The following SLC20A1 variants were observed in gnomAD, a reference collection of about 807,000 sequenced individuals.
SLC20A1 encodes sodium-dependent phosphate transporter 1.
In SLC20A1, 28 loss-of-function variants were observed where a neutral mutation model predicts 62.7. That is an observed-to-expected ratio of 0.45 (90% CI 0.33 to 0.61). The LOEUF (loss-of-function observed/expected upper bound fraction) is 0.61. Among genes scored for constraint, SLC20A1 ranks in the 20% least tolerant of loss-of-function variants. SLC20A1 has a pLI of 0.02. For synonymous variants in SLC20A1, 305 were observed against 302.9 expected (o/e 1.01, Z -0.07); for missense variants, 673 against 838.6 (o/e 0.80, Z 2.44).
intron 5 of SLC20A1, among the ~76,000 whole-genome samples, chr2:112,653,822 T>C (rs1319308916): frequency 6.6e-6 from 1 of 152,182 alleles, no homozygotes; most frequent in African/African-American, 2.4e-5. Context: ...GAGACAGTTT[T>C]GCTCTTGTTG....
chr2:112,655,968 T>C (rs1480666921), intron 5 of SLC20A1, among the ~76,000 whole-genome samples: 1 of 152,174 alleles, frequency 6.6e-6, no homozygotes, highest in Non-Finnish European at 1.5e-5. Context: ...CCCAAAGTGC[T>C]GGGATTACAG....
At position 112,663,030 on chromosome 2, in the gene SLC20A1, G is replaced by C. The variant is rs1252148913; in HGVS notation, c.*5G>C. 6.2e-7 allele frequency: 1 copy of C among 1,613,782 alleles called. No individual in the cohort carries two copies. The highest frequency in any genetic ancestry group is 1.7e-5 in the Admixed American group (1 of 59,976). On this transcript the variant is annotated 3_prime_UTR_variant, in exon 11 of 11. Coordinates refer to ENST00000272542, the MANE Select transcript of SLC20A1 (RefSeq NM_005415.5). ...TATGTCATCCTCAGAATGTGAAGCT[G>C]TTTGAGATTAAAATTTGTGTCAATG...
At chr2:112,660,795 C>A in intron 9 of SLC20A1, 1 of 521,204 alleles carries the variant, frequency 1.9e-6, no homozygotes, top group Non-Finnish European at 3.3e-6. Flanking sequence ...AATGACTTTT[C>A]TGAGAAAGCT....
At chr2:112,649,899 C>T (rs1249560582) in intron 4 of SLC20A1, among the ~76,000 whole-genome samples, 1 of 152,200 alleles carries the variant, frequency 6.6e-6, no homozygotes, top group African/African-American at 2.4e-5. Context: ...TCCCACATGA[C>T]TAGACGATGA....
intron 10 of SLC20A1, among the ~76,000 whole-genome samples, chr2:112,662,468 C>CT (rs34911715): frequency 0.79 from 120,314 of 151,998 alleles, 48,351 homozygotes; most frequent in East Asian, 1. Context: ...GTAATCCCAG[C>CT]ACTTGGGAGG....
chr2:112,650,101 C>T (rs1247724474), intron 4 of SLC20A1, among the ~76,000 whole-genome samples: 1 of 152,156 alleles, frequency 6.6e-6, no homozygotes, highest in East Asian at 1.9e-4. Flanking sequence ...TCCCCAACAA[C>T]TTTGCGTAGA....
intron 5 of SLC20A1, among the ~76,000 whole-genome samples, chr2:112,655,491 T>C (rs1413218009): frequency 1.3e-5 from 2 of 150,544 alleles, no homozygotes; most frequent in African/African-American, 4.9e-5. Flanking sequence ...TTCCTAGATA[T>C]CAACTACAGA....
chr2:112,659,015 T>A lies in SLC20A1; in HGVS notation c.969T>A (p.Asp323Glu). Residue 323 changes from aspartate to glutamate, a missense_variant, in exon 7 of 11, where the codon GAT (aspartate) becomes GAA (glutamate). By Grantham distance (45) the Asp-to-Glu change is conservative. Coordinates refer to ENST00000272542, the MANE Select transcript of SLC20A1 (RefSeq NM_005415.5). ...EERTVSFKLG[D>E]LEEAPERERL... is the part of the protein sequence containing the mutation. Reference sequence around the variant, plus strand: ...GAACAGTCTCATTCAAACTTGGAGATTTGGAGGAAGCTCCAGAGAGAGAGA... The same window carrying A: ...GAACAGTCTCATTCAAACTTGGAGAATTGGAGGAAGCTCCAGAGAGAGAGA... 6.2e-7 allele frequency: 1 copy of A among 1,614,098 alleles called. No homozygotes were observed. The highest frequency in any genetic ancestry group is 8.5e-7 in the Non-Finnish European group (1 of 1,180,022).
chr2:112,657,207 C>G lies in SLC20A1; in HGVS notation c.744C>G (p.Phe248Leu), dbSNP rs756497809. The change falls in exon 6 of 11, where the codon TTC becomes TTG. Residue 248 changes from phenylalanine (F) to leucine (L), a missense_variant. Phe to Leu is a conservative substitution (Grantham distance 22, BLOSUM62 0). Transcript: ENST00000272542. ...CAVFCALIVW[F>L]FVCPRMKRKI... The stretch of plus-strand genomic sequence containing the variant: ...TTTTCTGTGCCCTTATCGTCTGGTT[C>G]TTTGTATGTCCCAGGATGAAGAGAA... The G allele has an allele frequency of 6.2e-7, 1 of 1,613,798 alleles. No homozygotes were observed. Among genetic ancestry groups the G allele is most frequent in the Non-Finnish European group, 8.5e-7 (1 of 1,179,926 alleles).
At chr2:112,653,152 C>T (rs767885600) in intron 5 of SLC20A1, 17 of 357,588 alleles carry the variant, frequency 4.8e-5, no homozygotes, top group Non-Finnish European at 8.1e-5. Context: ...CTTCAGTAAT[C>T]AGTCATTTAG....
chr2:112,659,296 G>T lies in SLC20A1; in HGVS notation c.1141G>T (p.Val381Leu), dbSNP rs1450471766. Residue 381 changes from valine to leucine, a missense_variant, in exon 8 of 11, where the codon GTG (valine) becomes TTG (leucine). Val to Leu is a conservative substitution (Grantham distance 32, BLOSUM62 1). Transcript: ENST00000272542. The stretch of plus-strand genomic sequence containing the variant: ...CAGTGGCCACTACCAGTATCACACC[G>T]TGCATAAGGATTCCGGCCTGTACAA... The part of the protein sequence containing the change: ...NSSGHYQYHT[V>L]HKDSGLYKEL... The T allele has an allele frequency of 6.2e-7, 1 of 1,614,034 alleles. No individual in the cohort carries two copies. Among genetic ancestry groups the T allele is most frequent in the African/African-American group, 1.3e-5 (1 of 74,908 alleles).
intron 9 of SLC20A1, 65 bp from the exon 10 acceptor site, chr2:112,661,077 G>A: frequency 8.8e-7 from 1 of 1,139,460 alleles, no homozygotes; most frequent in Non-Finnish European, 1.3e-6. Flanking sequence ...TTAACTTGAG[G>A]TGTAGTGTTA....
In SLC20A1 at chr2:112,657,220, A is replaced by T; in HGVS notation, c.757A>T (p.Arg253Trp). 6.2e-7 allele frequency: 1 copy of T among 1,613,746 alleles called. No individual in the cohort carries two copies. Among genetic ancestry groups the T allele is most frequent in the Non-Finnish European group, 8.5e-7 (1 of 1,179,868 alleles). The change falls in exon 6 of 11, where the codon AGG becomes TGG. Residue 253 changes from arginine to tryptophan, a missense_variant. By Grantham distance (101) the Arg-to-Trp change is moderately radical. Transcript: ENST00000272542. ...ALIVWFFVCPRMKRKIEREIK... is the reference protein window; with the variant it reads ...ALIVWFFVCPWMKRKIEREIK... Reference sequence around the variant, plus strand: ...TATCGTCTGGTTCTTTGTATGTCCCAGGATGAAGAGAAAAATTGAACGTAA... The same window carrying T: ...TATCGTCTGGTTCTTTGTATGTCCCTGGATGAAGAGAAAAATTGAACGTAA...
At chr2:112,656,105 A>G (rs1391320025) in intron 5 of SLC20A1, among the ~76,000 whole-genome samples, 1 of 152,038 alleles carries the variant, frequency 6.6e-6, no homozygotes, top group Non-Finnish European at 1.5e-5. Flanking sequence ...AACCATGTGA[A>G]CAGTGTTGCT....
At chr2:112,647,910 T>C (rs1686329535) in intron 4 of SLC20A1, among the ~76,000 whole-genome samples, 172 bp downstream of exon 4, 1 of 151,916 alleles carries the variant, frequency 6.6e-6, no homozygotes, top group Non-Finnish European at 1.5e-5. Flanking sequence ...TGAAAGCGAG[T>C]TTTTAATACT....
chr2:112,656,752 A>T (rs1686599159), intron 5 of SLC20A1, among the ~76,000 whole-genome samples: 1 of 151,300 alleles, frequency 6.6e-6, no homozygotes, highest in East Asian at 1.9e-4. Context: ...GGCAGTTACG[A>T]TCATGAGCTA....
intron 6 of SLC20A1, among the ~76,000 whole-genome samples, chr2:112,657,661 C>T (rs1391860730): frequency 1.3e-5 from 2 of 152,190 alleles, no homozygotes; most frequent in East Asian, 3.9e-4. Context: ...CCAACTGCTT[C>T]TGTGTATAAC....
rs1686288559 is a variant in SLC20A1, at chr2:112,646,709, A to G, written c.-120A>G. Reference sequence around the variant, plus strand: ...GCTCGGTTTCTGTGCCGTAGTTTACAGTATTTAATTTTATATAATATATAT... The same window carrying G: ...GCTCGGTTTCTGTGCCGTAGTTTACGGTATTTAATTTTATATAATATATAT... On this transcript the variant is annotated 5_prime_UTR_variant, in exon 2 of 11. Transcript: ENST00000272542. 5.0e-6 allele frequency: 2 copies of G among 398,688 alleles called. No homozygotes were observed. Among genetic ancestry groups the G allele is most frequent in the Non-Finnish European group, 8.1e-6 (2 of 248,020 alleles). 24.7% of individuals were successfully genotyped at this position (398,688 alleles called of 1,614,324 possible).
intron 4 of SLC20A1, chr2:112,652,487 A>G (rs768751257): frequency 5.6e-5 from 32 of 576,570 alleles, no homozygotes; most frequent in Non-Finnish European, 8.9e-5. Flanking sequence ...TCTTGTTATT[A>G]AAAGAAAAAA....
Sources: allele counts gnomAD v4.1 joint callset (sites outside exome capture counted in the v4.1 genomes callset), GRCh38; gene constraint gnomAD v4.1.1; transcripts MANE v1.5; gene names NCBI Gene and HGNC (gene_info 2026-07-23, HGNC 2026-07-21).